Variants in FOXP1 observed in about 807,000 individuals in gnomAD.
The protein encoded by FOXP1 is forkhead box protein P1.
Under a neutral mutation model 98.2 loss-of-function variants are expected in FOXP1, and 15 were observed. That is an observed-to-expected ratio of 0.15 (90% CI 0.10 to 0.24). The LOEUF is 0.24. Ranked by LOEUF, FOXP1 falls within the 10% of genes least tolerant of loss-of-function variation. FOXP1 has a pLI of 1.00. For missense variants in FOXP1, 633 were observed against 848.5 expected (o/e 0.75, Z 3.15); for synonymous variants, 371 against 314.5 (o/e 1.18, Z -1.90).
intron 2 of FOXP1, among the ~76,000 whole-genome samples, chr3:71,500,190 T>C (rs1397323490): frequency 6.6e-6 from 1 of 152,244 alleles, no homozygotes; most frequent in Non-Finnish European, 1.5e-5. Context: ...TTGGTATCTA[T>C]GCTCAAAAAC....
intron 2 of FOXP1, among the ~76,000 whole-genome samples, chr3:71,547,974 C>G (rs975246836): frequency 6.6e-6 from 1 of 152,190 alleles, no homozygotes; most frequent in Non-Finnish European, 1.5e-5. Flanking sequence ...CAGGTCAGTA[C>G]AAACAGTCAA....
chr3:71,117,145 T>C (rs1348828461), intron 6 of FOXP1, among the ~76,000 whole-genome samples: 2 of 152,014 alleles, frequency 1.3e-5, no homozygotes, highest in African/African-American at 4.8e-5. Context: ...TGAAGTGCAA[T>C]AGCACAATCA....
At chr3:71,254,705 A>T (rs938038623) in intron 5 of FOXP1, among the ~76,000 whole-genome samples, 1 of 151,966 alleles carries the variant, frequency 6.6e-6, no homozygotes, top group Non-Finnish European at 1.5e-5. Context: ...GAAAAATTTC[A>T]CTCTTTTCAC....
intron 3 of FOXP1, among the ~76,000 whole-genome samples, chr3:71,421,662 G>C (rs1019104973): frequency 2.6e-5 from 4 of 152,176 alleles, no homozygotes; most frequent in Middle Eastern, 3.2e-3. Flanking sequence ...GTTCACACTA[G>C]AAACAGAGGG....
At chr3:71,325,259 G>T (rs917263828) in intron 4 of FOXP1, among the ~76,000 whole-genome samples, 8 of 152,002 alleles carry the variant, frequency 5.3e-5, no homozygotes, top group African/African-American at 1.9e-4. Flanking sequence ...CACCATGTTG[G>T]CCAGGCGGGT....
intron 3 of FOXP1, among the ~76,000 whole-genome samples, chr3:71,419,442 A>G (rs1470319495): frequency 6.9e-6 from 1 of 144,594 alleles, no homozygotes; most frequent in African/African-American, 2.6e-5. Context: ...AACTACAAAG[A>G]AAAAAAAAAA....
At chr3:71,422,928 C>T (rs2083779842) in intron 3 of FOXP1, among the ~76,000 whole-genome samples, 1 of 152,112 alleles carries the variant, frequency 6.6e-6, no homozygotes, top group Non-Finnish European at 1.5e-5. Context: ...CAAACCAAAA[C>T]TCCAATACAA....
chr3:71,049,226 T>C (rs1265195992), intron 9 of FOXP1, among the ~76,000 whole-genome samples: 3 of 152,166 alleles, frequency 2.0e-5, no homozygotes, highest in Admixed American at 2.0e-4. Context: ...TCTGTTTTCC[T>C]TTCTTCGGCT....
chr3:71,438,136 A>G (rs1416532332), intron 3 of FOXP1, among the ~76,000 whole-genome samples: 1 of 152,220 alleles, frequency 6.6e-6, no homozygotes, highest in Non-Finnish European at 1.5e-5. Flanking sequence ...GGCATCTAAC[A>G]TGTTCAGTTA....
At position 71,396,960 on chromosome 3, in the gene FOXP1, ATATGTGTG is replaced by A. The variant is rs1283173691; in HGVS notation, c.-167-37724_-167-37717del. Among the ~76,000 whole-genome samples the A allele has an allele frequency of 3.1e-3, 114 of 37,314 alleles. 19 individuals carry two copies. Among genetic ancestry groups the A allele is most frequent in the African/African-American group, 0.012 (113 of 9,714 alleles). 24.5% of individuals were successfully genotyped at this position (37,314 alleles called of 152,430 possible). On this transcript the variant is annotated intron_variant, in intron 3 of 20. Coordinates refer to ENST00000649528, the MANE Select transcript of FOXP1 (RefSeq NM_001349338.3). ...CACATATATATATGTGTATATATAT[ATATGTGTG>A]TATATATATATATGTGTATATATAT... is the stretch of plus-strand genomic sequence containing the variant.
chr3:71,088,519 A>G (rs2055415882), intron 7 of FOXP1, among the ~76,000 whole-genome samples: 1 of 151,954 alleles, frequency 6.6e-6, no homozygotes. Flanking sequence ...CAACCACCCA[A>G]TAATTTGTCA....
At chr3:71,268,576 G>C (rs2069986510) in intron 5 of FOXP1, among the ~76,000 whole-genome samples, 1 of 146,448 alleles carries the variant, frequency 6.8e-6, no homozygotes, top group African/African-American at 2.6e-5. Flanking sequence ...AACATGGTTT[G>C]CTTGGAGACA....
At chr3:71,535,299 T>C (rs2044197410) in intron 2 of FOXP1, among the ~76,000 whole-genome samples, 1 of 152,144 alleles carries the variant, frequency 6.6e-6, no homozygotes, top group African/African-American at 2.4e-5. Flanking sequence ...GTTATTTCAC[T>C]GGAGGAGAAC....
chr3:71,043,460 C>T (rs376249167), intron 10 of FOXP1, among the ~76,000 whole-genome samples: 2 of 152,226 alleles, frequency 1.3e-5, no homozygotes, highest in South Asian at 2.1e-4. Flanking sequence ...AGGTGGGATG[C>T]GTTTGTAGCT....
rs1553650568 is a variant in FOXP1 at position 70,958,318 on chromosome 3, T to TTTTTTCTG, written c.*928_*929insCAGAAAAA. ...TTCCTAGAGTTTGTCTCTCTTTTTT[T>TTTTTTCTG]TTTCTGTCATTCATTCTCTTTCTGG... is the stretch of plus-strand genomic sequence containing the variant. On this transcript the variant is annotated 3_prime_UTR_variant, in exon 21 of 21. Coordinates refer to ENST00000649528, the MANE Select transcript of FOXP1 (RefSeq NM_001349338.3). 2 of 536,600 alleles carry TTTTTTCTG rather than the reference T, an allele frequency of 3.7e-6. No homozygotes were observed. The highest frequency in any genetic ancestry group is 3.7e-5 in the African/African-American group (2 of 53,584). The allele number at this position is 536,600 out of a possible 1,614,324, so 33.2% of individuals were successfully genotyped here.
intron 2 of FOXP1, among the ~76,000 whole-genome samples, chr3:71,517,564 C>G (rs1473685382): frequency 6.6e-6 from 1 of 152,166 alleles, no homozygotes; most frequent in Non-Finnish European, 1.5e-5. Flanking sequence ...GATTTTTCAT[C>G]CAATCCTTCC....
At chr3:71,309,453 T>C (rs2074536527) in intron 4 of FOXP1, among the ~76,000 whole-genome samples, 1 of 151,890 alleles carries the variant, frequency 6.6e-6, no homozygotes, top group Non-Finnish European at 1.5e-5. Flanking sequence ...AGTAAATTCA[T>C]AGCAGAACAC....
intron 6 of FOXP1, among the ~76,000 whole-genome samples, chr3:71,113,165 A>C (rs1414865053): frequency 1.3e-5 from 2 of 152,234 alleles, no homozygotes; most frequent in African/African-American, 4.8e-5. Flanking sequence ...AGAAAGGAAG[A>C]TTAAACAGAT....
intron 20 of FOXP1, among the ~76,000 whole-genome samples, chr3:70,963,941 C>T (rs564616550): frequency 2.0e-5 from 3 of 152,126 alleles, no homozygotes; most frequent in Non-Finnish European, 4.4e-5. Context: ...CAAGCCGTGC[C>T]GTAAAGTTTA....
Sources: allele counts gnomAD v4.1 joint callset (sites outside exome capture counted in the v4.1 genomes callset), GRCh38; gene constraint gnomAD v4.1.1; transcripts MANE v1.5; gene names NCBI Gene and HGNC (gene_info 2026-07-23, HGNC 2026-07-21).